The following TCF4 variants were observed in gnomAD, a reference collection of about 807,000 sequenced individuals.
TCF4 encodes transcription factor 4, also known as SL3-3 enhancer factor 2.
A neutral mutation model predicts 82.1 loss-of-function variants in TCF4; 3 were observed. The observed-to-expected ratio is 0.04, with a 90% CI of 0.02 to 0.09. The LOEUF (loss-of-function observed/expected upper bound fraction) is 0.09, where lower values mean the gene tolerates loss of function less well. Ranked by LOEUF, TCF4 falls within the 10% of genes least tolerant of loss-of-function variation. The pLI, the probability that TCF4 is intolerant of heterozygous loss-of-function variation, is 1.00. For synonymous variants in TCF4, 276 were observed against 309.6 expected (o/e 0.89, Z 1.14); for missense variants, 518 against 852.7 (o/e 0.61, Z 4.89).
At chr18:55,434,105 A>G (rs2095269318) in intron 5 of TCF4, among the ~76,000 whole-genome samples, 1 of 152,216 alleles carries the variant, frequency 6.6e-6, no homozygotes, top group Non-Finnish European at 1.5e-5. Context: ...TAGGGCAAAT[A>G]AACGAAAGCA....
intron 5 of TCF4, among the ~76,000 whole-genome samples, chr18:55,444,676 T>C (rs187041608): frequency 6.6e-6 from 1 of 152,364 alleles, no homozygotes; most frequent in Non-Finnish European, 1.5e-5. Flanking sequence ...TGTCTCTCTC[T>C]GGGGAACTTA....
chr18:55,539,702 T>C (rs1455201237), intron 3 of TCF4, among the ~76,000 whole-genome samples: 1 of 152,154 alleles, frequency 6.6e-6, no homozygotes, highest in East Asian at 1.9e-4. Context: ...TGAAAGAGAT[T>C]TTTTAAATGA....
chr18:55,578,304 A>C (rs921547280), intron 3 of TCF4, among the ~76,000 whole-genome samples: 2 of 152,184 alleles, frequency 1.3e-5, no homozygotes, highest in South Asian at 2.1e-4. Context: ...CATCGAATTG[A>C]GTCCAAGCCT....
chr18:55,295,273 G>A (rs978666029), intron 8 of TCF4, among the ~76,000 whole-genome samples: 4 of 152,292 alleles, frequency 2.6e-5, no homozygotes, highest in African/African-American at 9.6e-5. Flanking sequence ...CTGCAGGTGT[G>A]TCATTCCTTA....
chr18:55,635,844 G>A lies in TCF4; in HGVS notation c.54C>T (p.Phe18=), dbSNP rs1160759936. ...AGTAATTTGTCAAAATGATGAAGAT[G>A]AAGGGAAAGAGGAGAGGCACCTGTG... The change falls in exon 1 of 21, where the codon TTC becomes TTT. Residue 18 remains phenylalanine, a synonymous_variant. Transcript: ENST00000398339. 7 of 1,564,974 alleles carry A rather than the reference G, an allele frequency of 4.5e-6. No individual in the cohort carries two copies. In the Admixed American group the frequency reaches 7.5e-5, roughly 17 times the overall value.
intron 6 of TCF4, among the ~76,000 whole-genome samples, chr18:55,369,093 G>C (rs1047987623): frequency 2.0e-5 from 3 of 152,170 alleles, no homozygotes; most frequent in Admixed American, 2.0e-4. Context: ...AAATGGTGAC[G>C]TCTGTTGAAA....
At chr18:55,517,066 A>G (rs1290310870) in intron 3 of TCF4, among the ~76,000 whole-genome samples, 8 of 152,200 alleles carry the variant, frequency 5.3e-5, no homozygotes, top group Admixed American at 5.2e-4. Context: ...TTGAATTCTT[A>G]AAAGTCAGAA....
At chr18:55,616,073 C>G (rs1371544312) in intron 2 of TCF4, among the ~76,000 whole-genome samples, 1 of 152,110 alleles carries the variant, frequency 6.6e-6, no homozygotes, top group African/African-American at 2.4e-5. Context: ...CAACAGATCT[C>G]TAGAACTTGT....
chr18:55,554,991 T>G (rs910262887), intron 3 of TCF4, among the ~76,000 whole-genome samples: 1 of 152,238 alleles, frequency 6.6e-6, no homozygotes, highest in African/African-American at 2.4e-5. Flanking sequence ...ATACTTTGGC[T>G]TGATATCTTA....
At chr18:55,604,850 G>C (rs1480048694) in intron 2 of TCF4, among the ~76,000 whole-genome samples, 1 of 152,200 alleles carries the variant, frequency 6.6e-6, no homozygotes, top group Non-Finnish European at 1.5e-5. Flanking sequence ...CCAGGGGAAT[G>C]GGAAGAAGTG....
chr18:55,374,128 A>G (rs1275030322), intron 6 of TCF4, among the ~76,000 whole-genome samples: 2 of 152,182 alleles, frequency 1.3e-5, no homozygotes, highest in African/African-American at 4.8e-5. Context: ...ATAGCTGTAT[A>G]TAAGAAAATC....
intron 2 of TCF4, among the ~76,000 whole-genome samples, chr18:55,601,190 T>C (rs1009522162): frequency 6.6e-6 from 1 of 152,194 alleles, no homozygotes; most frequent in Non-Finnish European, 1.5e-5. Flanking sequence ...GCAGCTGTGC[T>C]CATAATAGCC....
chr18:55,506,583 C>A (rs2096762777), intron 3 of TCF4, among the ~76,000 whole-genome samples: 2 of 151,986 alleles, frequency 1.3e-5, no homozygotes, highest in South Asian at 4.2e-4. Flanking sequence ...TATACATACC[C>A]CACACACAAA....
intron 5 of TCF4, chr18:55,403,948 C>T: frequency 7.5e-7 from 1 of 1,341,084 alleles, no homozygotes; most frequent in Non-Finnish European, 9.5e-7. Context: ...CAATCACAGG[C>T]TCTCCAGATG....
chr18:55,436,944 A>T (rs754889816), intron 5 of TCF4, among the ~76,000 whole-genome samples: 4 of 152,226 alleles, frequency 2.6e-5, no homozygotes, highest in Non-Finnish European at 4.4e-5. Context: ...TAAGTCCTAG[A>T]AGATAGCAGA....
At chr18:55,365,999 T>C (rs1485794044) in intron 6 of TCF4, among the ~76,000 whole-genome samples, 1 of 149,008 alleles carries the variant, frequency 6.7e-6, no homozygotes, top group South Asian at 2.1e-4. Flanking sequence ...GATATAGATA[T>C]AGATATAGAT....
chr18:55,589,924 G>A (rs181759411), upstream of TCF4: 2,202 of 780,088 alleles, frequency 2.8e-3, 42 homozygotes, highest in African/African-American at 0.039. Flanking sequence ...CAAGATGGCG[G>A]TGCTGGTCGA....
chr18:55,468,103 T>C (rs1157971422), intron 3 of TCF4, among the ~76,000 whole-genome samples: 1 of 152,206 alleles, frequency 6.6e-6, no homozygotes, highest in African/African-American at 2.4e-5. Context: ...ATATATTTAT[T>C]TGGGAGTTTA....
intron 8 of TCF4, among the ~76,000 whole-genome samples, chr18:55,309,530 G>A (rs9963203): frequency 0.022 from 3,377 of 152,282 alleles, 141 homozygotes; most frequent in South Asian, 0.16. Context: ...TCTTACTGAG[G>A]TGCAGTAACG....
Sources: gnomAD v4.1 joint callset for allele counts (sites outside exome capture counted in the v4.1 genomes callset) on GRCh38, gnomAD v4.1.1 for gene constraint, MANE v1.5 for transcripts, NCBI Gene and HGNC (gene_info 2026-07-23, HGNC 2026-07-21) for gene names.